The following TAMM41 variants were observed in gnomAD, a reference collection of about 807,000 sequenced individuals.
TAMM41 encodes phosphatidate cytidylyltransferase, mitochondrial.
Under a neutral mutation model 44.1 loss-of-function variants are expected in TAMM41, and 36 were observed. The ratio of observed to expected loss-of-function variants is 0.82; its 90% confidence interval spans 0.63 to 1.08. TAMM41 has a LOEUF of 1.08. Ranked by LOEUF, TAMM41 falls within the 50% of genes least tolerant of loss-of-function variation. TAMM41 has a pLI of 0.00. For missense variants in TAMM41, 417 were observed against 404.3 expected, an observed-to-expected ratio of 1.03 and a Z score of -0.27; for synonymous variants, 164 against 153.1, an observed-to-expected ratio of 1.07 and a Z score of -0.53.
chr3:11,808,172 G>T, intron 6 of TAMM41: 1 of 971,768 alleles, frequency 1.0e-6, no homozygotes, highest in Non-Finnish European at 1.4e-6. Flanking sequence ...GGATGGGTTA[G>T]CTGACCCTCA....
At chr3:11,736,735 C>A in the TAMM41 span, among the ~76,000 whole-genome samples, 1 of 152,150 alleles carries the variant, frequency 6.6e-6, no homozygotes, top group Admixed American at 6.6e-5. Flanking sequence ...TGGGACTGGT[C>A]CCATTTTCTG....
chr3:11,806,428 G>A (rs1423067781), intron 7 of TAMM41, among the ~76,000 whole-genome samples: 2 of 151,934 alleles, frequency 1.3e-5, no homozygotes, highest in Admixed American at 1.3e-4. Context: ...AACAAGAATA[G>A]GATGCAAAAA....
chr3:11,825,162 T>C (rs1298001320), intron 4 of TAMM41, among the ~76,000 whole-genome samples: 1 of 152,194 alleles, frequency 6.6e-6, no homozygotes, highest in Non-Finnish European at 1.5e-5. Flanking sequence ...GGCAAGCCAC[T>C]TAACTTATCT....
chr3:11,735,311 C>T, the TAMM41 span, among the ~76,000 whole-genome samples: 1 of 151,640 alleles, frequency 6.6e-6, no homozygotes, highest in African/African-American at 2.4e-5. Context: ...TGAGTTACGA[C>T]TGCGCCACTG....
At chr3:11,775,421 G>A in the TAMM41 span, among the ~76,000 whole-genome samples, 2 of 152,098 alleles carry the variant, frequency 1.3e-5, no homozygotes, top group African/African-American at 2.4e-5. Context: ...TGTCTTTCAG[G>A]ACAGTGTTAC....
At chr3:11,728,525 C>A in the TAMM41 span, among the ~76,000 whole-genome samples, 1 of 152,222 alleles carries the variant, frequency 6.6e-6, no homozygotes, top group South Asian at 2.1e-4. Context: ...AAAATTAATC[C>A]TCTTCCTTTC....
At chr3:11,769,204 G>A in the TAMM41 span, among the ~76,000 whole-genome samples, 3 of 152,170 alleles carry the variant, frequency 2.0e-5, no homozygotes, top group Admixed American at 1.3e-4. Flanking sequence ...ATTCTCCTGC[G>A]TCAGCCTCCT....
chr3:11,790,526 C>T lies in TAMM41; in HGVS notation c.993G>A (p.Gly331=). The T allele has an allele frequency of 6.2e-7, 1 of 1,614,124 alleles. No individual in the cohort carries two copies. The highest frequency in any genetic ancestry group is 8.5e-7 in the Non-Finnish European group (1 of 1,179,988). The part of the protein sequence containing the change: ...SSLKLHKMWK[G]WLRKTS ...AAAATCAGGATGTTTTCCTCAGCCA[C>T]CCTTTCCACATTTTGTGCAGTTTTA... The change falls in exon 8 of 8, where the codon GGG becomes GGA. Residue 331 remains glycine (G), a synonymous_variant. Transcript: ENST00000455809.
the TAMM41 span, among the ~76,000 whole-genome samples, chr3:11,769,297 C>T: frequency 1.3e-5 from 2 of 151,926 alleles, no homozygotes; most frequent in South Asian, 2.1e-4. Flanking sequence ...ACCATGTTGG[C>T]CAGACTTGTC....
the TAMM41 span, among the ~76,000 whole-genome samples, chr3:11,757,619 C>T: frequency 6.6e-6 from 1 of 152,318 alleles, no homozygotes; most frequent in East Asian, 1.9e-4. Flanking sequence ...GTTTATTCCT[C>T]GCGTGGATAT....
intron 7 of TAMM41, chr3:11,807,533 A>G: frequency 6.5e-7 from 1 of 1,536,192 alleles, no homozygotes; most frequent in Non-Finnish European, 8.7e-7. Flanking sequence ...AATCCTATGC[A>G]TCTGTAACTT....
chr3:11,759,680 GA>G, the TAMM41 span, among the ~76,000 whole-genome samples: 1 of 151,922 alleles, frequency 6.6e-6, no homozygotes, highest in Non-Finnish European at 1.5e-5. Flanking sequence ...TCAGGTTTAA[GA>G]AAACATTCCT....
chr3:11,733,652 C>A, the TAMM41 span, among the ~76,000 whole-genome samples: 3 of 152,002 alleles, frequency 2.0e-5, no homozygotes, highest in African/African-American at 7.2e-5. Context: ...GCCACCACAC[C>A]GGGCTCATTT....
the TAMM41 span, among the ~76,000 whole-genome samples, chr3:11,767,842 C>T: frequency 2.6e-3 from 387 of 151,132 alleles, 1 homozygote; most frequent in African/African-American, 8.6e-3. Context: ...TCAGGCTGGC[C>T]TCGAACTCCT....
intron 1 of TAMM41, 71 bp downstream of exon 1, chr3:11,846,431 T>C: frequency 1.3e-6 from 2 of 1,582,572 alleles, no homozygotes; most frequent in East Asian, 2.2e-5. Context: ...TCTCCGACTC[T>C]GAAGGAATCG....
At chr3:11,840,910 A>C (rs1385357421) in intron 2 of TAMM41, among the ~76,000 whole-genome samples, 2 of 152,108 alleles carry the variant, frequency 1.3e-5, no homozygotes, top group Non-Finnish European at 2.9e-5. Flanking sequence ...ACAAAGTACA[A>C]GAAATTTTCC....
At chr3:11,726,434 T>C in the TAMM41 span, among the ~76,000 whole-genome samples, 1,485 of 152,350 alleles carry the variant, frequency 9.7e-3, 15 homozygotes, top group South Asian at 0.043. Context: ...AGAAGGGCTC[T>C]GGCAGCACAG....
At chr3:11,824,392 C>T (rs1304351301) in intron 4 of TAMM41, among the ~76,000 whole-genome samples, 2 of 125,892 alleles carry the variant, frequency 1.6e-5, no homozygotes, top group African/African-American at 6.2e-5. Context: ...GACAAAGTCT[C>T]GCTCTGTTGT....
chr3:11,792,735 A>G (rs2077509348), intron 7 of TAMM41, among the ~76,000 whole-genome samples: 2 of 152,232 alleles, frequency 1.3e-5, no homozygotes, highest in African/African-American at 2.4e-5. Flanking sequence ...AAACTGGACT[A>G]CATGAAATTA....
Sources: gnomAD v4.1 joint callset for allele counts (sites outside exome capture counted in the v4.1 genomes callset) on GRCh38, gnomAD v4.1.1 for gene constraint, MANE v1.5 for transcripts, NCBI Gene and HGNC (gene_info 2026-07-23, HGNC 2026-07-21) for gene names.